ADRA1A: variants seen among roughly 807,000 people sequenced by gnomAD.
The protein encoded by ADRA1A is adrenoceptor alpha 1A, also known as alpha-1A adrenergic receptor.
Under a neutral mutation model 29.6 loss-of-function variants are expected in ADRA1A, and 31 were observed. The ratio of observed to expected loss-of-function variants is 1.05; its 90% CI spans 0.79 to 1.41. The LOEUF (loss-of-function observed/expected upper bound fraction) is 1.41, where lower values mean the gene tolerates loss of function less well. ADRA1A is among the 40% of genes most tolerant of loss of function. The pLI, the probability that ADRA1A is intolerant of heterozygous loss-of-function variation, is 0.00. For synonymous variants in ADRA1A, 311 were observed against 254.3 expected, an observed-to-expected ratio of 1.22 and a Z score of -2.12; for missense variants, 619 against 601.1, an observed-to-expected ratio of 1.03 and a Z score of -0.31.
Position 26,865,701 on chromosome 8 carries a change from G to C in ADRA1A, c.-686-46C>G. The C allele has an allele frequency of 1.0e-6, 1 of 985,870 alleles. No homozygotes were observed. Among genetic ancestry groups the C allele is most frequent in the Non-Finnish European group, 1.2e-6 (1 of 830,344 alleles). 61.1% of individuals were successfully genotyped at this position (985,870 alleles called of 1,614,324 possible). On this transcript the variant is annotated intron_variant, in intron 1 of 2. Coordinates refer to ENST00000380573, the MANE Select transcript of ADRA1A (RefSeq NM_000680.4). The surrounding 1 kb of genome is among the most constrained non-coding windows in gnomAD (Gnocchi z 7.6). Reference sequence around the variant, plus strand: ...AGGCGGCTTTGAGCTAGGCGCCCCAGGGAAAGAGGCTGTGCTGAGCTTGAC... The same window carrying C: ...AGGCGGCTTTGAGCTAGGCGCCCCACGGAAAGAGGCTGTGCTGAGCTTGAC...
chr8:26,850,317 C>T (rs926753064), intron 2 of ADRA1A, among the ~76,000 whole-genome samples: 1 of 152,110 alleles, frequency 6.6e-6, no homozygotes, highest in Admixed American at 6.5e-5. Flanking sequence ...GACCTCACGT[C>T]ATTTATGAAG....
chr8:26,755,333 T>C (rs1805112168), downstream of ADRA1A, among the ~76,000 whole-genome samples: 1 of 152,178 alleles, frequency 6.6e-6, no homozygotes. Flanking sequence ...CAGGAAAGCC[T>C]TGGACTCATC....
intron 2 of ADRA1A, among the ~76,000 whole-genome samples, chr8:26,798,791 A>T (rs1489469735): frequency 6.6e-6 from 1 of 151,978 alleles, no homozygotes; most frequent in Non-Finnish European, 1.5e-5. Context: ...TTAAAACACC[A>T]CTCACCTACC....
At chr8:26,760,629 T>C (rs1355233575) in intron 2 of ADRA1A, among the ~76,000 whole-genome samples, 1 of 152,148 alleles carries the variant, frequency 6.6e-6, no homozygotes, top group Non-Finnish European at 1.5e-5. Context: ...TCTCATGTGG[T>C]CCTCAATGCC....
rs1389349928 is a variant in ADRA1A, at chr8:26,823,914, T to C, written c.883+40173A>G. On this transcript the variant is annotated intron_variant, in intron 2 of 2. Transcript: ENST00000380573. The surrounding 1 kb of genome is among the most constrained non-coding windows in gnomAD (Gnocchi z 4.2). ...TTCATACTCCAAGCCTTTCTTTGGGTCTTTGTTCCACGCTATGTTACTCTG... is the reference window on the plus strand; with the variant it reads ...TTCATACTCCAAGCCTTTCTTTGGGCCTTTGTTCCACGCTATGTTACTCTG... 6.6e-6 allele frequency among the ~76,000 whole-genome samples: 1 copy of C among 152,124 alleles called. No individual in the cohort carries two copies. Among genetic ancestry groups the C allele is most frequent in the Non-Finnish European group, 1.5e-5 (1 of 68,028 alleles).
chr8:26,799,907 C>T (rs963476655), intron 2 of ADRA1A, among the ~76,000 whole-genome samples: 1 of 152,038 alleles, frequency 6.6e-6, no homozygotes, highest in Non-Finnish European at 1.5e-5. Flanking sequence ...ATTGCCAATT[C>T]AATGTGAAAA....
In ADRA1A at chr8:26,860,178, T is replaced by C. The variant is rs752650797; in HGVS notation, c.883+3909A>G. ...ACTGCTGACTCCCTGGGAGAGCAAA[T>C]CCAAGAGCGGGCTATGACTAGTCAG... On this transcript the variant is annotated intron_variant, in intron 2 of 2. Transcript: ENST00000380573. The surrounding 1 kb of genome is among the most constrained non-coding windows in gnomAD (Gnocchi z 4.7). 4.6e-5 allele frequency among the ~76,000 whole-genome samples: 7 copies of C among 152,060 alleles called. No homozygotes were observed. The highest frequency in any genetic ancestry group is 2.0e-4 in the Admixed American group (3 of 15,270).
intron 2 of ADRA1A, among the ~76,000 whole-genome samples, chr8:26,807,335 G>A (rs1809066902): frequency 6.6e-6 from 1 of 152,192 alleles, no homozygotes; most frequent in African/African-American, 2.4e-5. Flanking sequence ...ATCAAGAAGG[G>A]TGACAAGCAC....
chr8:26,812,955 C>A (rs1809516264), intron 2 of ADRA1A, among the ~76,000 whole-genome samples: 1 of 151,590 alleles, frequency 6.6e-6, no homozygotes, highest in South Asian at 2.1e-4. Flanking sequence ...CTTGAGCTAC[C>A]ACGCCCGGCC....
intron 2 of ADRA1A, among the ~76,000 whole-genome samples, chr8:26,786,946 C>T (rs969522884): frequency 4.6e-5 from 7 of 152,110 alleles, no homozygotes; most frequent in Admixed American, 3.9e-4. Context: ...ATTTATAGAG[C>T]ACTCATTATG....
intron 2 of ADRA1A, among the ~76,000 whole-genome samples, chr8:26,797,972 C>A (rs1022889290): frequency 2.0e-5 from 3 of 149,376 alleles, no homozygotes; most frequent in African/African-American, 7.7e-5. Context: ...TCATCTGCAT[C>A]GACAGTAAGT....
At chr8:26,837,650 C>CAA (rs372072664) in intron 2 of ADRA1A, among the ~76,000 whole-genome samples, 53,135 of 127,992 alleles carry the variant, frequency 0.42, 10,658 homozygotes, top group South Asian at 0.56. Context: ...GACTCTGTCT[C>CAA]AAAAAAAAAA....
intron 2 of ADRA1A, among the ~76,000 whole-genome samples, chr8:26,749,523 T>C (rs1485553990): frequency 6.6e-6 from 1 of 152,222 alleles, no homozygotes; most frequent in Non-Finnish European, 1.5e-5. Flanking sequence ...TAGCTATGCA[T>C]TGAATGAGTA....
At chr8:26,748,542 C>A (rs1804788222) in exon 3 of ADRA1A, 4 of 343,052 alleles carry the variant, frequency 1.2e-5, no homozygotes, top group South Asian at 6.9e-5. Context: ...AGATCGAGAT[C>A]ATCCTGGCCA....
rs1200181239 is a variant in ADRA1A at position 26,823,521 on chromosome 8, A to G, written c.883+40566T>C. ...ATAAAAACTGAATTCTATGAAGAACAAAACCTTTCCTCCATCTTGGAAGTT... is the reference window on the plus strand; with the variant it reads ...ATAAAAACTGAATTCTATGAAGAACGAAACCTTTCCTCCATCTTGGAAGTT... On this transcript the variant is annotated intron_variant, in intron 2 of 2. Transcript: ENST00000380573. This position sits in a 1 kb window ranked among gnomAD's most constrained non-coding sequence, Gnocchi z 4.2. Among the ~76,000 whole-genome samples, 1 of 152,244 alleles carries G rather than the reference A, an allele frequency of 6.6e-6. No homozygotes were observed. Among genetic ancestry groups the G allele is most frequent in the Non-Finnish European group, 1.5e-5 (1 of 68,038 alleles).
rs1289367090 is a variant in ADRA1A at position 26,805,805 on chromosome 8, C to G, written c.884-35139G>C. Reference sequence around the variant, plus strand: ...CTTCAGTAAGCTCATTACTTGAACACATTTATTTTTAACCATTTTCCCCCC... The same window carrying G: ...CTTCAGTAAGCTCATTACTTGAACAGATTTATTTTTAACCATTTTCCCCCC... On this transcript the variant is annotated intron_variant, in intron 2 of 2. Transcript: ENST00000380573. This position sits in a 1 kb window ranked among gnomAD's most constrained non-coding sequence, Gnocchi z 4.8. Among the ~76,000 whole-genome samples, 1 of 152,148 alleles carries G rather than the reference C, an allele frequency of 6.6e-6. No individual in the cohort carries two copies. Among genetic ancestry groups the G allele is most frequent in the Non-Finnish European group, 1.5e-5 (1 of 68,034 alleles).
At chr8:26,800,805 A>G (rs562989634) in intron 2 of ADRA1A, among the ~76,000 whole-genome samples, 3 of 152,230 alleles carry the variant, frequency 2.0e-5, no homozygotes, top group Non-Finnish European at 4.4e-5. Flanking sequence ...AAATCATCAA[A>G]AAGAGACATA....
rs752122914 is a variant in ADRA1A, at chr8:26,815,490, G to A, written c.884-44824C>T. On this transcript the variant is annotated intron_variant, in intron 2 of 2. Coordinates refer to ENST00000380573, the MANE Select transcript of ADRA1A (RefSeq NM_000680.4). The surrounding 1 kb of genome is among the most constrained non-coding windows in gnomAD (Gnocchi z 4.2). ...TGGTCTTGACAATCAAGTGATGTGG[G>A]TTGCATAAACCACATCAGGACAGAA... Among the ~76,000 whole-genome samples, 8 of 152,164 alleles carry A rather than the reference G, an allele frequency of 5.3e-5. No homozygotes were observed. The highest frequency in any genetic ancestry group is 1.0e-4 in the Non-Finnish European group (7 of 68,040).
intron 2 of ADRA1A, among the ~76,000 whole-genome samples, chr8:26,832,259 G>A (rs534211690): frequency 3.3e-5 from 5 of 152,286 alleles, no homozygotes; most frequent in South Asian, 2.1e-4. Context: ...TGTCCCAGAC[G>A]CCTGAGAAAG....
Sources: allele counts gnomAD v4.1 joint callset (sites outside exome capture counted in the v4.1 genomes callset), GRCh38; gene constraint gnomAD v4.1.1; non-coding constraint Gnocchi (gnomAD v3.1); transcripts MANE v1.5; gene names NCBI Gene and HGNC (gene_info 2026-07-23, HGNC 2026-07-21).